SMARCAL1: variants seen among roughly 807,000 people sequenced by gnomAD.
SMARCAL1 encodes the protein ATP-driven annealing helicase.
In SMARCAL1, 58 loss-of-function variants were observed where a neutral mutation model predicts 94.5. That is an observed-to-expected ratio of 0.61 (90% confidence interval 0.50 to 0.76). The LOEUF (loss-of-function observed/expected upper bound fraction) is 0.76. Among genes scored for constraint, SMARCAL1 ranks in the 30% least tolerant of loss-of-function variants. SMARCAL1 has a pLI of 0.00. For synonymous variants in SMARCAL1, 422 were observed against 455.1 expected (o/e 0.93, Z 0.93); for missense variants, 1,051 against 1,177.9 (o/e 0.89, Z 1.58).
chr2:216,434,056 G>C (rs1364188360), intron 8 of SMARCAL1, among the ~76,000 whole-genome samples: 1 of 151,188 alleles, frequency 6.6e-6, no homozygotes, highest in Admixed American at 6.6e-5. Context: ...GCCCAGGCTG[G>C]TCTTGAACTC....
chr2:216,475,525 C>T lies in SMARCAL1; in HGVS notation c.2427+74C>T, dbSNP rs547988023. ...TGGGCAGGAAGCAGTGAGTGTCGGT[C>T]GGGGAAAGTGTGGTTTCCCTTTTAT... On this transcript the variant is annotated intron_variant, in intron 15 of 17. Transcript: ENST00000357276. This position sits in a 1 kb window ranked among gnomAD's most constrained non-coding sequence, Gnocchi z 4.4. 2.1e-5 allele frequency: 32 copies of T among 1,494,774 alleles called. No individual in the cohort carries two copies. The highest frequency in any genetic ancestry group is 8.3e-5 in the African/African-American group (6 of 72,458). 92.6% of individuals were successfully genotyped at this position (1,494,774 alleles called of 1,614,324 possible).
chr2:216,475,125 T>C lies in SMARCAL1; in HGVS notation c.2245-144T>C. The C allele has an allele frequency of 2.8e-6, 2 of 711,374 alleles. No individual in the cohort carries two copies. The highest frequency in any genetic ancestry group is 1.7e-5 in the South Asian group (1 of 59,340). 44.1% of individuals were successfully genotyped at this position (711,374 alleles called of 1,614,324 possible). A position where few individuals can be genotyped will look rare whatever the true frequency, so the allele number is the denominator to read the frequency against. On this transcript the variant is annotated intron_variant, in intron 14 of 17. Coordinates refer to ENST00000357276, the MANE Select transcript of SMARCAL1 (RefSeq NM_014140.4). The surrounding 1 kb of genome is among the most constrained non-coding windows in gnomAD (Gnocchi z 4.4). Reference sequence around the variant, plus strand: ...GTATAAGCAGTCATCTCAATACCAATGTCAATTTGAAAAGAAAAGCTCTGA... The same window carrying C: ...GTATAAGCAGTCATCTCAATACCAACGTCAATTTGAAAAGAAAAGCTCTGA...
intron 12 of SMARCAL1, among the ~76,000 whole-genome samples, chr2:216,452,078 G>A (rs527594944): frequency 6.6e-6 from 1 of 152,336 alleles, no homozygotes; most frequent in African/African-American, 2.4e-5. Context: ...TTTTCAAGCT[G>A]TATTGAATTT....
rs557634314 is a variant in SMARCAL1 at position 216,418,083 on chromosome 2, A to T, written c.862+1776A>T. Among the ~76,000 whole-genome samples, 19 of 151,778 alleles carry T rather than the reference A, an allele frequency of 1.3e-4. No individual in the cohort carries two copies. The South Asian group carries it at 3.8e-3, about 30-fold the overall frequency. On this transcript the variant is annotated intron_variant, in intron 4 of 17. Transcript: ENST00000357276. ...TTTCAGGCGTGTACCATGCCTGGCT[A>T]ATTTTTATATTTTTAGTAGAGATGG...
intron 7 of SMARCAL1, among the ~76,000 whole-genome samples, chr2:216,432,124 C>T (rs1411179133): frequency 2.6e-5 from 4 of 151,888 alleles, no homozygotes; most frequent in African/African-American, 4.8e-5. Context: ...CGGGTTCAAG[C>T]GATTCTCCTG....
intron 6 of SMARCAL1, among the ~76,000 whole-genome samples, chr2:216,428,143 A>T (rs944564693): frequency 2.0e-5 from 3 of 152,216 alleles, no homozygotes; most frequent in Non-Finnish European, 4.4e-5. Flanking sequence ...AGCCTGCAGG[A>T]CAGCAGGCTA....
intron 7 of SMARCAL1, among the ~76,000 whole-genome samples, chr2:216,431,459 C>A (rs917449838): frequency 2.0e-5 from 3 of 152,310 alleles, no homozygotes; most frequent in South Asian, 2.1e-4. Flanking sequence ...TTTCATCATG[C>A]GACACGAGCA....
chr2:216,434,083 C>T lies in SMARCAL1; in HGVS notation c.1485+1215C>T, dbSNP rs181717537. Among the ~76,000 whole-genome samples the T allele has an allele frequency of 2.2e-3, 339 of 151,800 alleles. 4 individuals are homozygous for T. In the East Asian group the frequency reaches 0.024, roughly 11 times the overall value. ...CTTGAACTCCTGAGGTCAAGTGATC[C>T]TTCTGCCTTGGCCTCCCAAGTCTTG... On this transcript the variant is annotated intron_variant, in intron 8 of 17. Coordinates refer to ENST00000357276, the MANE Select transcript of SMARCAL1 (RefSeq NM_014140.4).
intron 12 of SMARCAL1, among the ~76,000 whole-genome samples, chr2:216,455,927 A>G (rs1462373528): frequency 6.6e-6 from 1 of 152,240 alleles, no homozygotes; most frequent in Non-Finnish European, 1.5e-5. Flanking sequence ...GTTTGAACCC[A>G]TCGCAAAGAA....
Position 216,482,595 on chromosome 2 carries a change from C to T in SMARCAL1, c.2626-143C>T. On this transcript the variant is annotated intron_variant, in intron 17 of 17. Coordinates refer to ENST00000357276, the MANE Select transcript of SMARCAL1 (RefSeq NM_014140.4). This position sits in a 1 kb window ranked among gnomAD's most constrained non-coding sequence, Gnocchi z 4.3. ...TTAGTGATGGTTTGCTGAGATGATG[C>T]ACACTTGCCATCGTGTAGCTCCCTG... The T allele has an allele frequency of 8.8e-7, 1 of 1,138,200 alleles. No homozygotes were observed. Among genetic ancestry groups the T allele is most frequent in the Non-Finnish European group, 1.3e-6 (1 of 761,268 alleles). 70.5% of individuals were successfully genotyped at this position (1,138,200 alleles called of 1,614,324 possible).
chr2:216,435,734 A>G (rs1320546864), intron 9 of SMARCAL1, among the ~76,000 whole-genome samples: 3 of 152,144 alleles, frequency 2.0e-5, no homozygotes, highest in Non-Finnish European at 4.4e-5. Flanking sequence ...TGATTTAATT[A>G]GTCTTTGCTG....
In SMARCAL1 at chr2:216,426,661, T is replaced by A. The variant is rs535788278; in HGVS notation, c.1148-1935T>A. On this transcript the variant is annotated intron_variant, in intron 6 of 17. Coordinates refer to ENST00000357276, the MANE Select transcript of SMARCAL1 (RefSeq NM_014140.4). ...GTCAGTGACAGAAATAAGAGTAAAA[T>A]TGCCATCTGCCTTTGTAAAATGACC... 4.4e-3 allele frequency among the ~76,000 whole-genome samples: 672 copies of A among 152,254 alleles called. 1 individual carries two copies. The highest frequency in any genetic ancestry group is 6.9e-3 in the Non-Finnish European group (468 of 68,016).
chr2:216,482,788 A>G lies in SMARCAL1; in HGVS notation c.2676A>G (p.Lys892=), dbSNP rs778788144. 1.2e-6 allele frequency: 2 copies of G among 1,614,178 alleles called. No homozygotes were observed. Among genetic ancestry groups the G allele is most frequent in the Non-Finnish European group, 1.7e-6 (2 of 1,180,014 alleles). The change falls in exon 18 of 18, where the codon AAA becomes AAG. Residue 892 remains lysine (K), a synonymous_variant. Transcript: ENST00000357276. The surrounding 1 kb of genome is among the most constrained non-coding windows in gnomAD (Gnocchi z 4.3). ...IYDLFQKSFE[K]EGSDMELLEA... is the part of the protein sequence containing the mutation. The stretch of plus-strand genomic sequence containing the variant: ...ACCTATTCCAGAAGTCCTTTGAGAA[A>G]GAAGGAAGTGATATGGAGCTCCTGG...
intron 10 of SMARCAL1, chr2:216,446,704 C>A (rs1263664413): frequency 1.9e-6 from 1 of 521,816 alleles, no homozygotes; most frequent in Non-Finnish European, 3.7e-6. Context: ...CAGGCATATG[C>A]TACAGAAAAT....
At chr2:216,417,447 G>A (rs1416591843) in intron 4 of SMARCAL1, among the ~76,000 whole-genome samples, 1 of 152,248 alleles carries the variant, frequency 6.6e-6, no homozygotes, top group Non-Finnish European at 1.5e-5. Flanking sequence ...GCAGGTGGCT[G>A]TCTTCTCTCT....
At chr2:216,439,326 G>C (rs1014756755) in intron 10 of SMARCAL1, among the ~76,000 whole-genome samples, 3 of 12,432 alleles carry the variant, frequency 2.4e-4, no homozygotes, top group South Asian at 2.4e-3. Flanking sequence ...TTCCATTATG[G>C]GGGGGGGGGA....
At chr2:216,446,963 A>G in intron 10 of SMARCAL1, 55 bp from the exon 11 acceptor site, 1 of 1,612,424 alleles carries the variant, frequency 6.2e-7, no homozygotes, top group Non-Finnish European at 8.5e-7. Context: ...CATTTTGAAC[A>G]TTTCCTGTGT....
chr2:216,473,045 C>G (rs1291996201), intron 14 of SMARCAL1, among the ~76,000 whole-genome samples: 5 of 152,144 alleles, frequency 3.3e-5, no homozygotes, highest in Non-Finnish European at 7.3e-5. Context: ...AATTGACATG[C>G]AGTAAACTGC....
intron 14 of SMARCAL1, among the ~76,000 whole-genome samples, chr2:216,469,516 C>A (rs1171296435): frequency 6.6e-6 from 1 of 151,892 alleles, no homozygotes; most frequent in African/African-American, 2.4e-5. Flanking sequence ...GATCTCCTGA[C>A]CTCATGATCC....
Sources: allele counts gnomAD v4.1 joint callset (sites outside exome capture counted in the v4.1 genomes callset), GRCh38; gene constraint gnomAD v4.1.1; non-coding constraint Gnocchi (gnomAD v3.1); transcripts MANE v1.5; gene names NCBI Gene and HGNC (gene_info 2026-07-23, HGNC 2026-07-21).